Variants in FBXL22 observed in about 807,000 individuals in gnomAD.
The protein encoded by FBXL22 is F-box and leucine-rich protein 22.
In FBXL22, 13 loss-of-function variants were observed where a neutral mutation model predicts 11.7. The ratio of observed to expected loss-of-function variants is 1.11; its 90% CI spans 0.73 to 1.77. The LOEUF is 1.77. FBXL22 is among the 40% of genes most tolerant of loss of function. The pLI, the probability that FBXL22 is intolerant of heterozygous loss-of-function variation, is 0.00. For missense variants in FBXL22, 406 were observed against 320.4 expected, an observed-to-expected ratio of 1.27 and a Z score of -2.04; for synonymous variants, 160 against 144.1, an observed-to-expected ratio of 1.11 and a Z score of -0.79.
At chr15:63,598,219 C>A (rs1595793310) in intron 1 of FBXL22, among the ~76,000 whole-genome samples, 2 of 152,092 alleles carry the variant, frequency 1.3e-5, no homozygotes, top group East Asian at 3.9e-4. Context: ...AAACCAGACT[C>A]CAGGAGTAGA....
chr15:63,607,232 A>G (rs946020850), downstream of FBXL22, among the ~76,000 whole-genome samples: 4 of 152,038 alleles, frequency 2.6e-5, no homozygotes, highest in African/African-American at 7.2e-5. Context: ...TTTTTAGTAG[A>G]GACGGGGTTT....
rs1476010193 is a variant in FBXL22, at chr15:63,599,306, G to A, written c.354-1391G>A. 3 of 1,474,742 alleles carry A rather than the reference G, an allele frequency of 2.0e-6. No homozygotes were observed. The African/African-American group carries it at 4.3e-5, about 21-fold the overall frequency. The allele number at this position is 1,474,742 out of a possible 1,614,324, so 91.4% of individuals were successfully genotyped here. ...ACAGTCCGCTCTTTGTTTTTTCCCTGTATCAGAATTATTCCAAAGATTCTT... is the reference window on the plus strand; with the variant it reads ...ACAGTCCGCTCTTTGTTTTTTCCCTATATCAGAATTATTCCAAAGATTCTT... On this transcript the variant is annotated intron_variant, in intron 1 of 1. Transcript: ENST00000638704.
chr15:63,598,368 G>C (rs768681216), intron 1 of FBXL22, among the ~76,000 whole-genome samples: 1 of 152,218 alleles, frequency 6.6e-6, no homozygotes, highest in African/African-American at 2.4e-5. Flanking sequence ...AGGCTGCCCA[G>C]TTAAATATGA....
At position 63,600,948 on chromosome 15, in the gene FBXL22, T is replaced by A; in HGVS notation, c.605T>A (p.Leu202Gln). The change falls in exon 2 of 2, where the codon CTG becomes CAG. Residue 202 changes from leucine (L) to glutamine (Q), a missense_variant. Physicochemically the swap from Leu to Gln is moderately radical, Grantham distance 113. Coordinates refer to ENST00000638704, the MANE Select transcript of FBXL22 (RefSeq NM_001367807.1). ...RLRAACPRLA[L>Q]RAEHSAAMLP... is the part of the protein sequence containing the mutation. Reference sequence around the variant, plus strand: ...CGCGCCGCGTGCCCGCGCCTGGCCCTGCGGGCAGAGCACAGCGCCGCCATG... The same window carrying A: ...CGCGCCGCGTGCCCGCGCCTGGCCCAGCGGGCAGAGCACAGCGCCGCCATG... 1.7e-6 allele frequency: 2 copies of A among 1,199,006 alleles called. No homozygotes were observed. The highest frequency in any genetic ancestry group is 2.1e-6 in the Non-Finnish European group (2 of 966,892). 74.3% of individuals were successfully genotyped at this position (1,199,006 alleles called of 1,614,324 possible).
chr15:63,606,767 G>C (rs1472085366), downstream of FBXL22, among the ~76,000 whole-genome samples: 1 of 152,150 alleles, frequency 6.6e-6, no homozygotes, highest in Non-Finnish European at 1.5e-5. Context: ...TAAAATCATG[G>C]CACTGTGCAG....
chr15:63,601,765 T>C (rs1171535919), downstream of FBXL22: 2 of 1,458,458 alleles, frequency 1.4e-6, no homozygotes, highest in African/African-American at 2.9e-5. Context: ...TATTTTCTAC[T>C]GTTCTCATAA....
chr15:63,600,316 A>C (rs2067346674), intron 1 of FBXL22: 1 of 1,021,810 alleles, frequency 9.8e-7, no homozygotes. Context: ...AGCAATCGCC[A>C]AGCACCGCTC....
the FBXL22 span, among the ~76,000 whole-genome samples, chr15:63,607,943 G>A: frequency 2.0e-5 from 3 of 152,190 alleles, no homozygotes; most frequent in African/African-American, 7.2e-5. Flanking sequence ...CAGCACTCAG[G>A]GCCCGCAGGG....
downstream of FBXL22, among the ~76,000 whole-genome samples, chr15:63,605,788 A>G (rs1447096637): frequency 6.6e-6 from 1 of 152,208 alleles, no homozygotes; most frequent in Non-Finnish European, 1.5e-5. Context: ...TTGCAGGTGA[A>G]GGTGGTGGGA....
rs1214223025 is a variant in FBXL22, at chr15:63,600,972, T to C, written c.629T>C (p.Met210Thr). Residue 210 changes from methionine (M) to threonine (T), a missense_variant, in exon 2 of 2, where the codon ATG becomes ACG. Physicochemically the swap from Met to Thr is moderately conservative, Grantham distance 81. Transcript: ENST00000638704. ...LALRAEHSAA[M>T]LPDQPPRPRA... Reference sequence around the variant, plus strand: ...CTGCGGGCAGAGCACAGCGCCGCCATGCTGCCCGACCAGCCCCCGCGCCCG... The same window carrying C: ...CTGCGGGCAGAGCACAGCGCCGCCACGCTGCCCGACCAGCCCCCGCGCCCG... 1 of 1,194,194 alleles carries C rather than the reference T, an allele frequency of 8.4e-7. No homozygotes were observed. The allele number at this position is 1,194,194 out of a possible 1,614,324, so 74.0% of individuals were successfully genotyped here. A position where few individuals can be genotyped will look rare whatever the true frequency, so the allele number is the denominator to read the frequency against.
chr15:63,599,178 G>A (rs2067323549), intron 1 of FBXL22: 1 of 1,529,190 alleles, frequency 6.5e-7, no homozygotes, highest in South Asian at 1.2e-5. Flanking sequence ...ATGACACAGT[G>A]GCACCTGGCA....
chr15:63,607,737 G>A, the FBXL22 span, among the ~76,000 whole-genome samples: 15 of 152,194 alleles, frequency 9.9e-5, no homozygotes, highest in African/African-American at 3.1e-4. Context: ...GCAGGCTGTC[G>A]GCAAAGACCC....
intron 1 of FBXL22, chr15:63,599,639 C>T: frequency 3.0e-6 from 3 of 990,002 alleles, no homozygotes; most frequent in Non-Finnish European, 2.4e-6. Flanking sequence ...CCTTACTTCC[C>T]TCCCCTGGCA....
At chr15:63,608,297 A>G in the FBXL22 span, among the ~76,000 whole-genome samples, 2 of 152,228 alleles carry the variant, frequency 1.3e-5, no homozygotes. Flanking sequence ...CACATGAGGT[A>G]GCTGGGGCTG....
downstream of FBXL22, among the ~76,000 whole-genome samples, chr15:63,606,648 G>A (rs911391487): frequency 6.6e-6 from 1 of 152,182 alleles, no homozygotes; most frequent in Admixed American, 6.5e-5. Context: ...GAGGCCAGGA[G>A]TTCCAGACTA....
chr15:63,598,138 G>A (rs556328889), intron 1 of FBXL22, among the ~76,000 whole-genome samples: 1 of 152,138 alleles, frequency 6.6e-6, no homozygotes, highest in Non-Finnish European at 1.5e-5. Context: ...TCAAGGCCTG[G>A]GAAACTACGG....
At position 63,601,224 on chromosome 15, in the gene FBXL22, A is replaced by G; in HGVS notation, c.*185A>G. The stretch of plus-strand genomic sequence containing the variant: ...ATACATAGGATAAACGCAAGATTAA[A>G]TGGATATTTGGAAAACACTCGGCTG... On this transcript the variant is annotated 3_prime_UTR_variant, in exon 2 of 2. Coordinates refer to ENST00000638704, the MANE Select transcript of FBXL22 (RefSeq NM_001367807.1). The G allele has an allele frequency of 6.7e-7, 1 of 1,495,940 alleles. No homozygotes were observed. The highest frequency in any genetic ancestry group is 1.3e-5 in the South Asian group (1 of 76,058). The allele number at this position is 1,495,940 out of a possible 1,614,324, so 92.7% of individuals were successfully genotyped here.
intron 1 of FBXL22, chr15:63,599,153 G>A (rs1235297200): frequency 3.3e-6 from 5 of 1,493,446 alleles, no homozygotes; most frequent in Admixed American, 2.0e-5. Context: ...TTATCCAACA[G>A]GGTAAGAGGA....
chr15:63,601,345 T>TC, downstream of FBXL22: 1 of 1,603,772 alleles, frequency 6.2e-7, no homozygotes, highest in South Asian at 1.1e-5. Flanking sequence ...TGCACCGTCC[T>TC]CGGGGACTCC....
Sources: gnomAD v4.1 joint callset for allele counts (sites outside exome capture counted in the v4.1 genomes callset) on GRCh38, gnomAD v4.1.1 for gene constraint, MANE v1.5 for transcripts, NCBI Gene and HGNC (gene_info 2026-07-23, HGNC 2026-07-21) for gene names.